The following LGR6 variants were observed in gnomAD, a reference collection of about 807,000 sequenced individuals.
The protein encoded by LGR6 is leucine rich repeat containing G protein-coupled receptor 6.
A neutral mutation model predicts 69.4 loss-of-function variants in LGR6; 45 were observed. The ratio of observed to expected loss-of-function variants is 0.65; its 90% confidence interval spans 0.51 to 0.83. The LOEUF is 0.83. Among genes scored for constraint, LGR6 ranks in the 40% least tolerant of loss-of-function variants. LGR6 has a pLI of 0.00. For synonymous variants in LGR6, 538 were observed against 555.0 expected, an observed-to-expected ratio of 0.97 and a Z score of 0.43; for missense variants, 1,108 against 1,246.7, an observed-to-expected ratio of 0.89 and a Z score of 1.68.
chr1:202,242,451 C>T (rs1471210883), intron 4 of LGR6, among the ~76,000 whole-genome samples: 1 of 152,164 alleles, frequency 6.6e-6, no homozygotes, highest in African/African-American at 2.4e-5. Context: ...GGTTCTCTGT[C>T]TCTAAAATGA....
intron 7 of LGR6, among the ~76,000 whole-genome samples, chr1:202,299,114 G>C (rs571424612): frequency 6.6e-6 from 1 of 151,972 alleles, no homozygotes; most frequent in Non-Finnish European, 1.5e-5. Context: ...ACAAAAATCA[G>C]CCCAGCGTAG....
At chr1:202,238,617 G>T (rs1371826468) in intron 4 of LGR6, among the ~76,000 whole-genome samples, 1 of 151,802 alleles carries the variant, frequency 6.6e-6, no homozygotes, top group East Asian at 1.9e-4. Context: ...AGAGACGGGG[G>T]TTTCACCATA....
At chr1:202,220,172 G>A (rs1042426359) in intron 1 of LGR6, among the ~76,000 whole-genome samples, 16 of 151,774 alleles carry the variant, frequency 1.1e-4, no homozygotes, top group African/African-American at 3.2e-4. Context: ...GAGCCACCGC[G>A]CCCGGCCAGC....
At position 202,310,295 on chromosome 1, in the gene LGR6, T is replaced by C. The variant is rs149311642; in HGVS notation, c.1505T>C (p.Leu502Pro). 37 of 1,613,944 alleles carry C rather than the reference T, an allele frequency of 2.3e-5. No individual in the cohort carries two copies. The highest frequency in any genetic ancestry group is 3.0e-5 in the Non-Finnish European group (35 of 1,179,996). Residue 502 changes from leucine to proline, a missense_variant, in exon 16 of 18, where the codon CTT becomes CCT. Coordinates refer to ENST00000367278, the MANE Select transcript of LGR6 (RefSeq NM_001017403.2). The part of the protein sequence containing the change: ...SGQWEAEDLH[L>P]DDEESSKRPL... ...CAGTGGGAGGCTGAAGACCTTCACCTTGATGATGAGGAGTCTTCAAAAAGG... is the reference window on the plus strand; with the variant it reads ...CAGTGGGAGGCTGAAGACCTTCACCCTGATGATGAGGAGTCTTCAAAAAGG...
chr1:202,202,470 G>A (rs532574199), intron 1 of LGR6, among the ~76,000 whole-genome samples: 32 of 152,332 alleles, frequency 2.1e-4, no homozygotes, highest in Admixed American at 1.8e-3. Context: ...TGCTATAGAA[G>A]AAAGAGTGCA....
At chr1:202,195,774 C>G (rs527280550) in intron 1 of LGR6, among the ~76,000 whole-genome samples, 5 of 152,276 alleles carry the variant, frequency 3.3e-5, no homozygotes, top group African/African-American at 4.8e-5. Flanking sequence ...GAAGGAAGGT[C>G]CCTTGCCTGG....
chr1:202,194,708 G>C (rs60277338), intron 1 of LGR6: 1 of 277,038 alleles, frequency 3.6e-6, no homozygotes, highest in Non-Finnish European at 7.3e-6. Context: ...GTGGGGGCGG[G>C]GGGGGCGGGT....
Position 202,310,222 on chromosome 1 carries a change from C to G in LGR6, c.1432C>G (p.Gln478Glu). ...LRILEVPYAY[Q>E]CCPYGMCASF... ...GATCCTGGAGGTGCCTTATGCCTACCAGTGCTGTCCCTATGGGATGTGTGC... is the reference window on the plus strand; with the variant it reads ...GATCCTGGAGGTGCCTTATGCCTACGAGTGCTGTCCCTATGGGATGTGTGC... Residue 478 changes from glutamine (Q) to glutamate (E), a missense_variant, in exon 16 of 18, where the codon CAG becomes GAG. Coordinates refer to ENST00000367278, the MANE Select transcript of LGR6 (RefSeq NM_001017403.2). 1 of 1,614,090 alleles carries G rather than the reference C, an allele frequency of 6.2e-7. No homozygotes were observed. The highest frequency in any genetic ancestry group is 8.5e-7 in the Non-Finnish European group (1 of 1,179,996).
chr1:202,235,553 A>G (rs1297841057), intron 3 of LGR6, among the ~76,000 whole-genome samples: 4 of 152,166 alleles, frequency 2.6e-5, no homozygotes, highest in African/African-American at 9.7e-5. Context: ...GAAACTGACA[A>G]CCTACATTTT....
intron 1 of LGR6, chr1:202,194,560 G>A (rs1658560946): frequency 1.7e-6 from 1 of 578,198 alleles, no homozygotes; most frequent in South Asian, 1.4e-5. Flanking sequence ...AGCAGTGCCC[G>A]GGATGGTGGC....
chr1:202,255,324 A>C (rs1173718464), intron 4 of LGR6, among the ~76,000 whole-genome samples: 1 of 152,238 alleles, frequency 6.6e-6, no homozygotes, highest in Non-Finnish European at 1.5e-5. Context: ...CCTGGACCAC[A>C]GCAGTGGCCT....
chr1:202,231,709 C>T (rs548025805), intron 3 of LGR6, among the ~76,000 whole-genome samples: 1 of 152,340 alleles, frequency 6.6e-6, no homozygotes, highest in East Asian at 1.9e-4. Context: ...CACACTCATA[C>T]GTGTGATGTG....
chr1:202,236,818 G>T (rs1383698465), intron 4 of LGR6, among the ~76,000 whole-genome samples: 1 of 152,122 alleles, frequency 6.6e-6, no homozygotes, highest in African/African-American at 2.4e-5. Flanking sequence ...AGTCATAGTG[G>T]GCATGCAGTG....
At position 202,194,036 on chromosome 1, in the gene LGR6, T is replaced by C. The variant is rs1339979627; in HGVS notation, c.47T>C (p.Leu16Pro). 1 of 1,383,550 alleles carries C rather than the reference T, an allele frequency of 7.2e-7. No homozygotes were observed. The highest frequency in any genetic ancestry group is 1.6e-5 in the South Asian group (1 of 61,272). The allele number at this position is 1,383,550 out of a possible 1,614,324, so 85.7% of individuals were successfully genotyped here. ...GLRALWLCAALCASRRAGGAP... is the reference protein window; with the variant it reads ...GLRALWLCAAPCASRRAGGAP... The stretch of plus-strand genomic sequence containing the variant: ...CGGGCGCTATGGCTTTGCGCCGCGC[T>C]GTGCGCTTCCCGGAGGGCCGGCGGC... The change falls in exon 1 of 18, where the codon CTG becomes CCG. Residue 16 changes from leucine (L) to proline (P), a missense_variant. Physicochemically the swap from Leu to Pro is moderately conservative, Grantham distance 98. Coordinates refer to ENST00000367278, the MANE Select transcript of LGR6 (RefSeq NM_001017403.2).
intron 1 of LGR6, among the ~76,000 whole-genome samples, chr1:202,201,673 A>G (rs1440093472): frequency 6.6e-6 from 1 of 152,192 alleles, no homozygotes; most frequent in Non-Finnish European, 1.5e-5. Context: ...TCAAAATCTC[A>G]GGCCAAGCAC....
chr1:202,239,489 T>A (rs905562363), intron 4 of LGR6, among the ~76,000 whole-genome samples: 1 of 151,972 alleles, frequency 6.6e-6, no homozygotes, highest in African/African-American at 2.4e-5. Context: ...ATTTGGACTT[T>A]ATTCTTAAGA....
chr1:202,214,028 G>A, intron 1 of LGR6: 1 of 1,342,992 alleles, frequency 7.4e-7, no homozygotes, highest in Non-Finnish European at 9.5e-7. Context: ...TAGGGAAGAG[G>A]GCAGATGGGT....
intron 1 of LGR6, among the ~76,000 whole-genome samples, chr1:202,211,638 G>A (rs1659466221): frequency 6.6e-6 from 1 of 152,246 alleles, no homozygotes; most frequent in Non-Finnish European, 1.5e-5. Context: ...TGGGATTACA[G>A]GCGTGAGCCA....
chr1:202,301,000 C>A, intron 8 of LGR6, 80 bp downstream of exon 8: 1 of 1,399,968 alleles, frequency 7.1e-7, no homozygotes, highest in Non-Finnish European at 1.0e-6. Flanking sequence ...GCAGGAGGGA[C>A]TTCCCTAGGA....
Sources: gnomAD v4.1 joint callset for allele counts (sites outside exome capture counted in the v4.1 genomes callset) on GRCh38, gnomAD v4.1.1 for gene constraint, MANE v1.5 for transcripts, NCBI Gene and HGNC (gene_info 2026-07-23, HGNC 2026-07-21) for gene names.